The following COBL variants were observed in gnomAD, a reference collection of about 807,000 sequenced individuals.
The protein encoded by COBL is cordon-bleu WH2 repeat protein, also known as protein cordon-bleu.
In COBL, 51 loss-of-function variants were observed where a neutral mutation model predicts 98.8. The observed-to-expected ratio is 0.52, with a 90% CI of 0.41 to 0.65. The LOEUF is 0.65. Among genes scored for constraint, COBL ranks in the 30% least tolerant of loss-of-function variants. The pLI is 0.00. For synonymous variants in COBL, 634 were observed against 651.7 expected, an observed-to-expected ratio of 0.97 and a Z score of 0.41; for missense variants, 1,617 against 1,617.5, an observed-to-expected ratio of 1.00 and a Z score of 0.01.
chr7:51,060,427 A>G (rs750296104), intron 7 of COBL, among the ~76,000 whole-genome samples: 1 of 152,224 alleles, frequency 6.6e-6, no homozygotes, highest in Non-Finnish European at 1.5e-5. Flanking sequence ...GAGCCTGTGC[A>G]TGGAACTCAC....
At chr7:51,246,866 A>G (rs1796313027) in intron 1 of COBL, among the ~76,000 whole-genome samples, 1 of 152,198 alleles carries the variant, frequency 6.6e-6, no homozygotes, top group South Asian at 2.1e-4. Flanking sequence ...ATAAATGACT[A>G]CATTGAACGA....
chr7:51,091,714 C>T (rs1398616126), intron 6 of COBL, among the ~76,000 whole-genome samples: 3 of 152,056 alleles, frequency 2.0e-5, no homozygotes, highest in Admixed American at 6.5e-5. Flanking sequence ...GAGGACCATA[C>T]CACAATTCAT....
At chr7:51,045,321 T>C (rs1789588569) in intron 7 of COBL, among the ~76,000 whole-genome samples, 1 of 152,154 alleles carries the variant, frequency 6.6e-6, no homozygotes, top group Non-Finnish European at 1.5e-5. Context: ...GCTAAGTGGG[T>C]GCCTGAATGT....
Position 51,049,053 on chromosome 7 carries a change from C to T in COBL, c.1097-5361G>A, listed in dbSNP as rs551571737. ...ATTCCATTAGGTTTCTAAAACTTTTCCTCTAATATATGTCAAAAATCACTT... is the reference window on the plus strand; with the variant it reads ...ATTCCATTAGGTTTCTAAAACTTTTTCTCTAATATATGTCAAAAATCACTT... On this transcript the variant is annotated intron_variant, in intron 7 of 12. Coordinates refer to ENST00000265136, the MANE Select transcript of COBL (RefSeq NM_015198.5). Among the ~76,000 whole-genome samples, 10 of 152,214 alleles carry T rather than the reference C, an allele frequency of 6.6e-5. 1 individual carries two copies. Among genetic ancestry groups the T allele is most frequent in the Admixed American group, 2.6e-4 (4 of 15,292 alleles).
intron 5 of COBL, among the ~76,000 whole-genome samples, chr7:51,162,657 CTA>C (rs1786931074): frequency 6.6e-6 from 1 of 152,198 alleles, no homozygotes; most frequent in South Asian, 2.1e-4. Context: ...AGAACATTTC[CTA>C]TGAGTGTCAG....
intron 12 of COBL, among the ~76,000 whole-genome samples, 189 bp from the exon 13 acceptor site, chr7:51,017,757 G>A (rs1174665270): frequency 6.6e-6 from 1 of 152,188 alleles, no homozygotes; most frequent in Non-Finnish European, 1.5e-5. Context: ...TCACGCTCCA[G>A]CTTCCTCGTA....
intron 5 of COBL, among the ~76,000 whole-genome samples, chr7:51,182,162 G>C (rs1252918520): frequency 6.6e-6 from 1 of 152,050 alleles, no homozygotes; most frequent in Non-Finnish European, 1.5e-5. Flanking sequence ...GGTGTCCTCA[G>C]GATCAAGGAG....
chr7:51,043,364 C>G lies in COBL; in HGVS notation c.1406+19G>C, dbSNP rs772490184. The G allele has an allele frequency of 1.8e-5, 29 of 1,610,442 alleles. No individual in the cohort carries two copies. The African/African-American group carries it at 3.3e-4, about 19-fold the overall frequency. ...TGTGGCTGTGACTTCCGTACCCACC[C>G]ATCCTTCCCGTGACTCACCTCAGAT... On this transcript the variant is annotated intron_variant, in intron 8 of 12. Coordinates refer to ENST00000265136, the MANE Select transcript of COBL (RefSeq NM_015198.5).
At chr7:51,230,957 G>C (rs1384003922) in intron 1 of COBL, among the ~76,000 whole-genome samples, 1 of 152,220 alleles carries the variant, frequency 6.6e-6, no homozygotes, top group Non-Finnish European at 1.5e-5. Context: ...CACAATGGCA[G>C]TGGAGATCAA....
intron 5 of COBL, among the ~76,000 whole-genome samples, chr7:51,178,901 GC>G (rs1788669970): frequency 6.6e-6 from 1 of 152,126 alleles, no homozygotes; most frequent in African/African-American, 2.4e-5. Context: ...GACCTACTGT[GC>G]CCAGCCAAGT....
At chr7:51,207,784 C>G (rs1379799087) in intron 2 of COBL, among the ~76,000 whole-genome samples, 1 of 152,264 alleles carries the variant, frequency 6.6e-6, no homozygotes, top group African/African-American at 2.4e-5. Flanking sequence ...TCGCTACAAC[C>G]TCCACCTCCC....
In COBL at chr7:51,028,406, G is replaced by A. The variant is rs1225529756; in HGVS notation, c.2690C>T (p.Ala897Val). 6.2e-7 allele frequency: 1 copy of A among 1,614,258 alleles called. No homozygotes were observed. The highest frequency in any genetic ancestry group is 1.7e-5 in the Admixed American group (1 of 60,034). The change falls in exon 10 of 13, where the codon GCA becomes GTA. Residue 897 changes from alanine to valine, a missense_variant. By Grantham distance (64) the Ala-to-Val change is moderately conservative. Around this residue, in one of 3 missense-constraint regions of COBL, gnomAD observed 1,304 missense variants for 1,282.0 expected, o/e 1.02. Coordinates refer to ENST00000265136, the MANE Select transcript of COBL (RefSeq NM_015198.5). ...TGCAGCCAGCACTGGCGCCTTGCCTGCATAACCCTTCTCGGCATAACCGTG... is the reference window on the plus strand; with the variant it reads ...TGCAGCCAGCACTGGCGCCTTGCCTACATAACCCTTCTCGGCATAACCGTG... ...RPHGYAEKGY[A>V]GKAPVLAAPP...
chr7:51,081,392 C>T lies in COBL; in HGVS notation c.1096+3774G>A, dbSNP rs113258018. 8.2e-3 allele frequency among the ~76,000 whole-genome samples: 1,246 copies of T among 152,284 alleles called. 18 individuals carry two copies. The highest frequency in any genetic ancestry group is 0.029 in the African/African-American group (1,190 of 41,568). ...GAGGAAATGGAGCCACAAGGCAAGA[C>T]GAAGGTGAGTCTGGTTTTCTCTCCG... On this transcript the variant is annotated intron_variant, in intron 7 of 12. Coordinates refer to ENST00000265136, the MANE Select transcript of COBL (RefSeq NM_015198.5).
chr7:51,150,574 A>C (rs894878655), intron 5 of COBL, among the ~76,000 whole-genome samples: 2 of 152,130 alleles, frequency 1.3e-5, no homozygotes, highest in African/African-American at 4.8e-5. Context: ...TTTCCTGGAG[A>C]AACTATGGGA....
chr7:51,301,338 C>T (rs888092854), intron 1 of COBL, among the ~76,000 whole-genome samples: 1 of 152,210 alleles, frequency 6.6e-6, no homozygotes, highest in Non-Finnish European at 1.5e-5. Context: ...GCATCTCCTT[C>T]CTATCTGAGC....
At chr7:51,104,667 C>T (rs182319616) in intron 6 of COBL, among the ~76,000 whole-genome samples, 16 of 152,238 alleles carry the variant, frequency 1.1e-4, no homozygotes, top group Admixed American at 3.3e-4. Context: ...CAACAGTCGG[C>T]AGTCTAAGGG....
intron 12 of COBL, among the ~76,000 whole-genome samples, chr7:51,023,326 G>C (rs1286184483): frequency 6.6e-6 from 1 of 152,190 alleles, no homozygotes; most frequent in Admixed American, 6.5e-5. Context: ...CCCCTATCCT[G>C]AGGAGATGGC....
intron 1 of COBL, among the ~76,000 whole-genome samples, chr7:51,241,676 G>A (rs1795808964): frequency 6.6e-6 from 1 of 152,212 alleles, no homozygotes; most frequent in Non-Finnish European, 1.5e-5. Flanking sequence ...AAGGAGAAAT[G>A]GAGGCTGACA....
At chr7:51,145,411 A>C (rs112120837) in intron 5 of COBL, among the ~76,000 whole-genome samples, 1 of 117,280 alleles carries the variant, frequency 8.5e-6, no homozygotes, top group African/African-American at 3.1e-5. Context: ...ATGGAGTGTC[A>C]CTCCTGTCGC....
Sources: allele counts gnomAD v4.1 joint callset (sites outside exome capture counted in the v4.1 genomes callset), GRCh38; gene constraint gnomAD v4.1.1; regional missense constraint gnomAD v4.1.1; transcripts MANE v1.5; gene names NCBI Gene and HGNC (gene_info 2026-07-23, HGNC 2026-07-21).